Variants in CACNG4 observed in about 807,000 individuals in gnomAD.
CACNG4 encodes calcium voltage-gated channel auxiliary subunit gamma 4, also known as voltage-dependent calcium channel gamma-4 subunit.
Under a neutral mutation model 22.9 loss-of-function variants are expected in CACNG4, and 8 were observed. That is an observed-to-expected ratio of 0.35 (90% confidence interval 0.21 to 0.63). The LOEUF is 0.63. Among genes scored for constraint, CACNG4 ranks in the 30% least tolerant of loss-of-function variants. The pLI is 0.72. For missense variants in CACNG4, 357 were observed against 455.4 expected, an observed-to-expected ratio of 0.78 and a Z score of 1.97; for synonymous variants, 188 against 191.9, an observed-to-expected ratio of 0.98 and a Z score of 0.17.
intron 1 of CACNG4, among the ~76,000 whole-genome samples, chr17:66,968,308 G>A (rs919500630): frequency 9.9e-5 from 15 of 152,158 alleles, no homozygotes; most frequent in Non-Finnish European, 1.9e-4. Context: ...TTGGGCTGGC[G>A]GCAGCATGAA....
At position 67,032,036 on chromosome 17, in the gene CACNG4, G is replaced by A; in HGVS notation, c.*1032G>A. The stretch of plus-strand genomic sequence containing the variant: ...AGGTGGTTACAAATCATAACTTCCT[G>A]CAAATCAACGCCAGGAGAGCAACTT... On this transcript the variant is annotated 3_prime_UTR_variant, in exon 4 of 4. Transcript: ENST00000262138. The A allele has an allele frequency of 4.4e-6, 2 of 449,524 alleles. No homozygotes were observed. The highest frequency in any genetic ancestry group is 8.9e-6 in the Non-Finnish European group (2 of 224,710). 27.8% of individuals were successfully genotyped at this position (449,524 alleles called of 1,614,324 possible).
chr17:67,000,728 C>CG (rs71367196), intron 1 of CACNG4, among the ~76,000 whole-genome samples: 1 of 152,024 alleles, frequency 6.6e-6, no homozygotes, highest in African/African-American at 2.4e-5. Context: ...GCTTTCGGGA[C>CG]GGGGGGAGGG....
chr17:67,003,543 A>C (rs1015851428), intron 1 of CACNG4, among the ~76,000 whole-genome samples: 1 of 152,096 alleles, frequency 6.6e-6, no homozygotes, highest in Non-Finnish European at 1.5e-5. Context: ...TTTATTCATC[A>C]CCAACCACTG....
intron 2 of CACNG4, among the ~76,000 whole-genome samples, chr17:67,019,365 C>T (rs1387590593): frequency 6.6e-6 from 1 of 152,156 alleles, no homozygotes; most frequent in African/African-American, 2.4e-5. Flanking sequence ...ACCTCCTCCT[C>T]CTCCTGTCTA....
chr17:67,000,654 C>CCCTGAGTG (rs1412850982), intron 1 of CACNG4, among the ~76,000 whole-genome samples: 2 of 152,118 alleles, frequency 1.3e-5, no homozygotes, highest in African/African-American at 4.8e-5. Flanking sequence ...GGTCCCTAGG[C>CCCTGAGTG]CCTGAGTGAA....
chr17:66,991,416 C>T (rs886935838), intron 1 of CACNG4, among the ~76,000 whole-genome samples: 5 of 152,174 alleles, frequency 3.3e-5, no homozygotes, highest in African/African-American at 1.2e-4. Flanking sequence ...AGCCAGATCC[C>T]ATAAGAGGAG....
chr17:67,008,817 C>T (rs1248375722), intron 1 of CACNG4, among the ~76,000 whole-genome samples: 1 of 152,092 alleles, frequency 6.6e-6, no homozygotes, highest in Non-Finnish European at 1.5e-5. Flanking sequence ...GGCATGGTGG[C>T]ACATGCCTTT....
intron 1 of CACNG4, among the ~76,000 whole-genome samples, chr17:67,012,791 G>A (rs1374284618): frequency 3.3e-5 from 5 of 152,186 alleles, no homozygotes; most frequent in Admixed American, 6.5e-5. Context: ...CTGGTCGCTC[G>A]CGGCAGCCAT....
intron 1 of CACNG4, among the ~76,000 whole-genome samples, chr17:67,015,181 TC>T (rs1461813181): frequency 6.6e-6 from 1 of 152,138 alleles, no homozygotes; most frequent in African/African-American, 2.4e-5. Flanking sequence ...GCCGCAGAAT[TC>T]CGCTCAGAAA....
intron 1 of CACNG4, among the ~76,000 whole-genome samples, chr17:66,977,700 T>A (rs1360261733): frequency 6.6e-6 from 1 of 151,946 alleles, no homozygotes; most frequent in African/African-American, 2.4e-5. Flanking sequence ...CTCTCTCTTG[T>A]TTTTTTCTGA....
intron 1 of CACNG4, among the ~76,000 whole-genome samples, chr17:66,982,611 G>T (rs1267771547): frequency 2.0e-5 from 3 of 152,152 alleles, no homozygotes; most frequent in Admixed American, 2.0e-4. Flanking sequence ...AGTCCAGCTG[G>T]CTTCACCTCT....
Position 67,018,182 on chromosome 17 carries a change from C to T in CACNG4, c.221-7C>T. On this transcript the variant is annotated splice_region_variant and splice_polypyrimidine_tract_variant and intron_variant, in intron 1 of 3. Coordinates refer to ENST00000262138, the MANE Select transcript of CACNG4 (RefSeq NM_014405.4). ...TTACAGTGTTCTTTTCCTCTCGTTC[C>T]TTCCAGGGATCTATAAAGGGCACTG... 1 of 1,610,396 alleles carries T rather than the reference C, an allele frequency of 6.2e-7. No individual in the cohort carries two copies. The highest frequency in any genetic ancestry group is 8.5e-7 in the Non-Finnish European group (1 of 1,176,590).
At chr17:66,969,847 A>C (rs1384158609) in intron 1 of CACNG4, among the ~76,000 whole-genome samples, 4 of 151,428 alleles carry the variant, frequency 2.6e-5, no homozygotes, top group African/African-American at 9.7e-5. Context: ...TTCTCCACCC[A>C]CTCCAGGCCT....
intron 1 of CACNG4, among the ~76,000 whole-genome samples, chr17:67,016,131 C>T (rs762512139): frequency 6.6e-6 from 1 of 152,204 alleles, no homozygotes; most frequent in Non-Finnish European, 1.5e-5. Context: ...TGAGCCACCA[C>T]CATGGGCCCG....
rs570042106 is a variant in CACNG4 at position 66,964,844 on chromosome 17, G to A, written c.-68G>A. 325 of 968,028 alleles carry A rather than the reference G, an allele frequency of 3.4e-4. 8 individuals are homozygous for A. The South Asian group carries it at 7.2e-3, about 21-fold the overall frequency. The allele number at this position is 968,028 out of a possible 1,614,324, so 60.0% of individuals were successfully genotyped here. A position where few individuals can be genotyped will look rare whatever the true frequency, so the allele number is the denominator to read the frequency against. On this transcript the variant is annotated 5_prime_UTR_variant, in exon 1 of 4. Coordinates refer to ENST00000262138, the MANE Select transcript of CACNG4 (RefSeq NM_014405.4). ...AACCCCGGCGCCCCCGGAGCGGCGCGCGGAGGGAGGAGGGCGGGCGGGCGC... is the reference window on the plus strand; with the variant it reads ...AACCCCGGCGCCCCCGGAGCGGCGCACGGAGGGAGGAGGGCGGGCGGGCGC...
chr17:66,982,213 C>T (rs1275790756), intron 1 of CACNG4, among the ~76,000 whole-genome samples: 6 of 152,208 alleles, frequency 3.9e-5, no homozygotes, highest in African/African-American at 1.2e-4. Flanking sequence ...GCTAGGGTGG[C>T]CAGCTTTTAT....
At chr17:66,982,693 A>G (rs769451727) in intron 1 of CACNG4, among the ~76,000 whole-genome samples, 2 of 152,128 alleles carry the variant, frequency 1.3e-5, no homozygotes, top group Non-Finnish European at 2.9e-5. Context: ...AGTATCTGGG[A>G]CTGCAGACGT....
At chr17:66,986,483 A>G (rs1182028092) in intron 1 of CACNG4, among the ~76,000 whole-genome samples, 1 of 152,188 alleles carries the variant, frequency 6.6e-6, no homozygotes, top group Admixed American at 6.5e-5. Flanking sequence ...TGCCTTGGAA[A>G]TAGACTGGAT....
At chr17:67,028,369 C>T (rs983836882) in intron 3 of CACNG4, among the ~76,000 whole-genome samples, 16 of 152,032 alleles carry the variant, frequency 1.1e-4, no homozygotes, top group Non-Finnish European at 2.2e-4. Flanking sequence ...CTGGCTAACA[C>T]GGTGAAACCC....
Sources: allele counts gnomAD v4.1 joint callset (sites outside exome capture counted in the v4.1 genomes callset), GRCh38; gene constraint gnomAD v4.1.1; transcripts MANE v1.5; gene names NCBI Gene and HGNC (gene_info 2026-07-23, HGNC 2026-07-21).